Variants in TRPC4 observed in about 807,000 individuals in gnomAD.
The protein encoded by TRPC4 is transient receptor potential cation channel subfamily C member 4.
A neutral mutation model predicts 99.4 loss-of-function variants in TRPC4; 49 were observed. The observed-to-expected ratio is 0.49, with a 90% CI of 0.39 to 0.63. The LOEUF is 0.63. Among genes scored for constraint, TRPC4 ranks in the 20% least tolerant of loss-of-function variants. The pLI, the probability that TRPC4 is intolerant of heterozygous loss-of-function variation, is 0.00. For synonymous variants in TRPC4, 454 were observed against 425.9 expected, an observed-to-expected ratio of 1.07 and a Z score of -0.81; for missense variants, 898 against 1,152.9, an observed-to-expected ratio of 0.78 and a Z score of 3.20.
intron 4 of TRPC4, among the ~76,000 whole-genome samples, chr13:37,681,264 G>T (rs1481133908): frequency 1.3e-5 from 2 of 152,136 alleles, no homozygotes; most frequent in Non-Finnish European, 2.9e-5. Flanking sequence ...GATCAAGGAG[G>T]AGACATTAAA....
chr13:37,762,610 A>C (rs1956252229), intron 2 of TRPC4, among the ~76,000 whole-genome samples: 3 of 150,358 alleles, frequency 2.0e-5, no homozygotes, highest in South Asian at 4.2e-4. Context: ...AGTAAACTAT[A>C]GCAAGAACAA....
chr13:37,673,693 A>G (rs565701277), intron 5 of TRPC4, among the ~76,000 whole-genome samples: 1 of 152,288 alleles, frequency 6.6e-6, no homozygotes, highest in Non-Finnish European at 1.5e-5. Flanking sequence ...AATCTGGGGG[A>G]GTAATGAGTG....
intron 3 of TRPC4, among the ~76,000 whole-genome samples, chr13:37,737,352 A>G (rs898272173): frequency 6.6e-6 from 1 of 152,168 alleles, no homozygotes; most frequent in African/African-American, 2.4e-5. Context: ...ACAAGGCAAC[A>G]TATTTTAGAG....
chr13:37,650,817 G>A (rs1437500662), intron 8 of TRPC4, among the ~76,000 whole-genome samples: 2 of 128,352 alleles, frequency 1.6e-5, no homozygotes, highest in Admixed American at 7.3e-5. Context: ...GCTTTGTGCA[G>A]GGACTTTGTT....
In TRPC4 at chr13:37,845,038, T is replaced by G. The variant is rs576606038; in HGVS notation, c.-28+24557A>C. Among the ~76,000 whole-genome samples the G allele has an allele frequency of 3.9e-5, 6 of 152,302 alleles. No individual in the cohort carries two copies. The South Asian group carries it at 8.3e-4, about 21-fold the overall frequency. On this transcript the variant is annotated intron_variant, in intron 1 of 10. Coordinates refer to ENST00000379705, the MANE Select transcript of TRPC4 (RefSeq NM_016179.4). Reference sequence around the variant, plus strand: ...GCTCTACTTGATGGCAGAGTCCAGATAGTAGCCTCACTGAACCATGGAGAA... The same window carrying G: ...GCTCTACTTGATGGCAGAGTCCAGAGAGTAGCCTCACTGAACCATGGAGAA...
intron 2 of TRPC4, among the ~76,000 whole-genome samples, chr13:37,767,853 G>A (rs1176317301): frequency 6.6e-6 from 1 of 151,264 alleles, no homozygotes; most frequent in Non-Finnish European, 1.5e-5. Context: ...GTAGCTAGTG[G>A]AAGAAAACAG....
At chr13:37,748,284 T>A (rs982492692) in intron 2 of TRPC4, among the ~76,000 whole-genome samples, 1 of 152,146 alleles carries the variant, frequency 6.6e-6, no homozygotes, top group Admixed American at 6.6e-5. Context: ...ATTTCCTATA[T>A]TAGATGTATG....
intron 2 of TRPC4, among the ~76,000 whole-genome samples, chr13:37,746,877 T>A (rs1271600006): frequency 4.6e-5 from 7 of 152,186 alleles, no homozygotes; most frequent in African/African-American, 1.7e-4. Flanking sequence ...AAGCTCTTTC[T>A]CTGCAGTAGA....
rs779900575 is a variant in TRPC4 at position 37,746,453 on chromosome 13, C to T, written c.381G>A (p.Val127=). 2 of 1,426,470 alleles carry T rather than the reference C, an allele frequency of 1.4e-6. No homozygotes were observed. Among genetic ancestry groups the T allele is most frequent in the East Asian group, 2.5e-5 (1 of 39,528 alleles). The allele number at this position is 1,426,470 out of a possible 1,614,324, so 88.4% of individuals were successfully genotyped here. ...ACTGCTTATCAAGGAGTATAGGAGG[C>T]ACCTAAAAAAAAAAAAGGCAGAGGT... is the stretch of plus-strand genomic sequence containing the variant. ...NHKKPSGEKQ[V]PPILLDKQFS... The change falls in exon 3 of 11, where the codon GTG becomes GTA. Residue 127 remains valine, a splice_region_variant and synonymous_variant. Coordinates refer to ENST00000379705, the MANE Select transcript of TRPC4 (RefSeq NM_016179.4).
At chr13:37,836,230 T>C (rs1593289960) in intron 1 of TRPC4, among the ~76,000 whole-genome samples, 1 of 152,154 alleles carries the variant, frequency 6.6e-6, no homozygotes, top group African/African-American at 2.4e-5. Context: ...CAGTCTCGGG[T>C]ATATTTTTAT....
intron 1 of TRPC4, among the ~76,000 whole-genome samples, chr13:37,790,092 C>G (rs1160141584): frequency 1.3e-5 from 2 of 151,924 alleles, no homozygotes; most frequent in Non-Finnish European, 2.9e-5. Context: ...CTAGAATTAA[C>G]CAGTGAACTG....
At chr13:37,819,731 T>A (rs1344672516) in intron 1 of TRPC4, among the ~76,000 whole-genome samples, 1 of 151,812 alleles carries the variant, frequency 6.6e-6, no homozygotes, top group Non-Finnish European at 1.5e-5. Context: ...CTAGGCTTAA[T>A]ACTTGGGTGA....
intron 2 of TRPC4, among the ~76,000 whole-genome samples, chr13:37,752,760 G>A (rs1955969777): frequency 1.3e-5 from 2 of 151,682 alleles, no homozygotes; most frequent in Non-Finnish European, 2.9e-5. Context: ...CAGATGTTAT[G>A]TCCTAGGATT....
At chr13:37,856,567 A>T (rs1046158566) in intron 1 of TRPC4, among the ~76,000 whole-genome samples, 2 of 151,522 alleles carry the variant, frequency 1.3e-5, no homozygotes, top group Non-Finnish European at 3.0e-5. Context: ...CCAGACAAAG[A>T]CACATTAAAA....
intron 3 of TRPC4, among the ~76,000 whole-genome samples, chr13:37,693,891 G>T (rs9548021): frequency 0.037 from 5,613 of 152,200 alleles, 153 homozygotes; most frequent in Admixed American, 0.06. Context: ...TAAGGCTGGG[G>T]TAGGGGGGAC....
chr13:37,686,374 A>T (rs1953480357), intron 4 of TRPC4, among the ~76,000 whole-genome samples: 2 of 152,048 alleles, frequency 1.3e-5, no homozygotes, highest in Non-Finnish European at 2.9e-5. Flanking sequence ...ATATACACAT[A>T]ACTGATTATA....
At chr13:37,833,069 T>G (rs1349424823) in intron 1 of TRPC4, among the ~76,000 whole-genome samples, 1 of 152,182 alleles carries the variant, frequency 6.6e-6, no homozygotes, top group Non-Finnish European at 1.5e-5. Context: ...TTCTTTTTTC[T>G]TGTTTATCTC....
At chr13:37,732,231 T>C (rs981525718) in intron 3 of TRPC4, among the ~76,000 whole-genome samples, 12 of 152,234 alleles carry the variant, frequency 7.9e-5, no homozygotes, top group Non-Finnish European at 1.5e-4. Context: ...GCTCTATATA[T>C]AGAAGAGAGA....
At chr13:37,686,824 T>C (rs977929979) in intron 4 of TRPC4, among the ~76,000 whole-genome samples, 1 of 152,174 alleles carries the variant, frequency 6.6e-6, no homozygotes, top group Admixed American at 6.5e-5. Context: ...GTGCATAGAT[T>C]TGCATACTGT....
Sources: allele counts gnomAD v4.1 joint callset (sites outside exome capture counted in the v4.1 genomes callset), GRCh38; gene constraint gnomAD v4.1.1; transcripts MANE v1.5; gene names NCBI Gene and HGNC (gene_info 2026-07-23, HGNC 2026-07-21).